The following CLVS1 variants were observed in gnomAD, a reference collection of about 807,000 sequenced individuals.
CLVS1 encodes clavesin-1.
A neutral mutation model predicts 33.1 loss-of-function variants in CLVS1; 10 were observed. That is an observed-to-expected ratio of 0.30 (90% CI 0.19 to 0.51). The LOEUF is 0.51. Among genes scored for constraint, CLVS1 ranks in the 20% least tolerant of loss-of-function variants. The pLI is 0.97. For synonymous variants in CLVS1, 163 were observed against 166.1 expected, an observed-to-expected ratio of 0.98 and a Z score of 0.14; for missense variants, 343 against 433.4, an observed-to-expected ratio of 0.79 and a Z score of 1.85.
chr8:61,446,810 T>G (rs887214060), intron 3 of CLVS1, among the ~76,000 whole-genome samples: 1 of 151,168 alleles, frequency 6.6e-6, no homozygotes, highest in African/African-American at 2.5e-5. Flanking sequence ...TCCATGTATT[T>G]TAAAATTTCT....
chr8:61,048,372 ACAGAATCCCG>A, the CLVS1 span, among the ~76,000 whole-genome samples: 1 of 152,204 alleles, frequency 6.6e-6, no homozygotes, highest in Non-Finnish European at 1.5e-5. Flanking sequence ...GAATCATGAC[ACAGAATCCCG>A]CAGAAGCCAT....
intron 3 of CLVS1, among the ~76,000 whole-genome samples, chr8:61,429,217 C>A (rs563801456): frequency 6.6e-6 from 1 of 151,966 alleles, no homozygotes; most frequent in Non-Finnish European, 1.5e-5. Flanking sequence ...GTCAGGAGTT[C>A]AAGACCAGCC....
chr8:61,248,737 T>C (rs1301024967), intron 2 of CLVS1, among the ~76,000 whole-genome samples: 1 of 152,110 alleles, frequency 6.6e-6, no homozygotes, highest in Non-Finnish European at 1.5e-5. Context: ...TAAAATGATC[T>C]CCAATCACAC....
chr8:61,059,499 T>TACACAC (rs1554530510), intron 1 of CLVS1, among the ~76,000 whole-genome samples: 23 of 96,312 alleles, frequency 2.4e-4, no homozygotes, highest in Non-Finnish European at 4.0e-4. Context: ...TATATATATA[T>TACACAC]ACACATATCT....
intron 1 of CLVS1, among the ~76,000 whole-genome samples, chr8:61,117,792 T>A (rs1021752435): frequency 2.0e-5 from 3 of 152,232 alleles, no homozygotes; most frequent in African/African-American, 7.2e-5. Flanking sequence ...TATTGAGGAT[T>A]TTTGCATCAA....
chr8:61,310,135 G>A (rs146608326), intron 2 of CLVS1, among the ~76,000 whole-genome samples: 1 of 152,066 alleles, frequency 6.6e-6, no homozygotes, highest in South Asian at 2.1e-4. Context: ...CCCAAGAAAA[G>A]GTTTAACTGT....
At chr8:61,090,030 C>T (rs1009695671) in intron 1 of CLVS1, among the ~76,000 whole-genome samples, 1 of 152,218 alleles carries the variant, frequency 6.6e-6, no homozygotes, top group South Asian at 2.1e-4. Context: ...CTAATACCTC[C>T]TGCTGTTATT....
chr8:61,064,031 A>T (rs1804631792), intron 1 of CLVS1, among the ~76,000 whole-genome samples: 2 of 152,220 alleles, frequency 1.3e-5, no homozygotes, highest in African/African-American at 2.4e-5. Flanking sequence ...TTCAGGTTTC[A>T]CCATGTTGTA....
chr8:60,980,266 C>T, the CLVS1 span, among the ~76,000 whole-genome samples: 1 of 152,200 alleles, frequency 6.6e-6, no homozygotes, highest in Non-Finnish European at 1.5e-5. Flanking sequence ...ACCATTACCT[C>T]AATCCTTAAC....
chr8:61,229,970 T>G (rs1348463702), intron 2 of CLVS1, among the ~76,000 whole-genome samples: 1 of 152,204 alleles, frequency 6.6e-6, no homozygotes, highest in East Asian at 1.9e-4. Flanking sequence ...GTACTCTTAT[T>G]TGACGTTCAC....
rs913391740 is a variant in CLVS1 at position 61,124,697 on chromosome 8, C to T, written c.-242-7073C>T. Among the ~76,000 whole-genome samples the T allele has an allele frequency of 3.3e-5, 5 of 152,276 alleles. No individual in the cohort carries two copies. In the East Asian group the frequency reaches 9.7e-4, roughly 29 times the overall value. ...CCTCATCTGGGAGATGGCAGTGCAT[C>T]CATCCACTCATTCCTTTAAAAATTG... is the stretch of plus-strand genomic sequence containing the variant. On this transcript the variant is annotated intron_variant, in intron 1 of 2. Transcript: ENST00000522621.
chr8:60,997,755 T>C, the CLVS1 span, among the ~76,000 whole-genome samples: 1 of 152,162 alleles, frequency 6.6e-6, no homozygotes, highest in Non-Finnish European at 1.5e-5. Context: ...CAACGAAAGG[T>C]GAGGCTGCCA....
At position 61,254,711 on chromosome 8, in the gene CLVS1, C is replaced by T. The variant is rs377682749; in HGVS notation, c.-151-44966C>T. Among the ~76,000 whole-genome samples, 23 of 152,294 alleles carry T rather than the reference C, an allele frequency of 1.5e-4. No individual in the cohort carries two copies. In the East Asian group the frequency reaches 4.2e-3, roughly 28 times the overall value. The stretch of plus-strand genomic sequence containing the variant: ...AGTGAGGTTCCGTGGGCATAGGACC[C>T]TCTGAGCCAGGCACGGGATATAATC... On this transcript the variant is annotated intron_variant, in intron 2 of 2. Transcript: ENST00000522621.
At chr8:61,252,511 G>C (rs1274331265) in intron 2 of CLVS1, among the ~76,000 whole-genome samples, 1 of 152,186 alleles carries the variant, frequency 6.6e-6, no homozygotes, top group Non-Finnish European at 1.5e-5. Context: ...AATATTGACA[G>C]TGGGGTGTTA....
At chr8:60,981,440 T>G in the CLVS1 span, among the ~76,000 whole-genome samples, 1 of 152,226 alleles carries the variant, frequency 6.6e-6, no homozygotes, top group Non-Finnish European at 1.5e-5. Flanking sequence ...AACAGGCTGC[T>G]GCTCAGCTTG....
chr8:61,482,526 T>A (rs1304144585), intron 5 of CLVS1, among the ~76,000 whole-genome samples: 1 of 152,132 alleles, frequency 6.6e-6, no homozygotes, highest in Non-Finnish European at 1.5e-5. Context: ...CTAATGGAGC[T>A]GAAAACCATG....
At chr8:61,353,092 AG>A (rs941244672) in intron 2 of CLVS1, among the ~76,000 whole-genome samples, 6 of 151,988 alleles carry the variant, frequency 3.9e-5, no homozygotes, top group African/African-American at 1.4e-4. Context: ...TGCTTAAAAG[AG>A]GAGTAGATAA....
At chr8:61,402,458 T>C (rs6983659) in intron 3 of CLVS1, among the ~76,000 whole-genome samples, 85,964 of 152,008 alleles carry the variant, frequency 0.57, 28,496 homozygotes, top group Non-Finnish European at 0.73. Context: ...TGTTAAGTAA[T>C]CAGCCAGGTT....
intron 2 of CLVS1, among the ~76,000 whole-genome samples, chr8:61,360,059 G>A (rs943165122): frequency 6.6e-6 from 1 of 151,378 alleles, no homozygotes; most frequent in Non-Finnish European, 1.5e-5. Context: ...AGGCAGGCCC[G>A]CAGGGAGTTT....
Sources: allele counts gnomAD v4.1 joint callset (sites outside exome capture counted in the v4.1 genomes callset), GRCh38; gene constraint gnomAD v4.1.1; transcripts MANE v1.5; gene names NCBI Gene and HGNC (gene_info 2026-07-23, HGNC 2026-07-21).